TDRD3: variants seen among roughly 807,000 people sequenced by gnomAD.
The protein encoded by TDRD3 is tudor domain-containing protein 3.
A neutral mutation model predicts 86.7 loss-of-function variants in TDRD3; 45 were observed. The observed-to-expected ratio is 0.52, with a 90% confidence interval of 0.41 to 0.67. TDRD3 has a LOEUF of 0.67. TDRD3 is among the 30% of genes least tolerant of loss of function. The pLI is 0.00. For missense variants in TDRD3, 814 were observed against 889.0 expected (o/e 0.92, Z 1.07); for synonymous variants, 298 against 301.7 (o/e 0.99, Z 0.13).
chr13:60,526,944 C>G (rs569874898), intron 10 of TDRD3, among the ~76,000 whole-genome samples: 29 of 152,166 alleles, frequency 1.9e-4, no homozygotes, highest in African/African-American at 6.7e-4. Flanking sequence ...AAGCGATTCT[C>G]TTGCCTCAGC....
At chr13:60,517,956 C>T (rs1395749879) in intron 10 of TDRD3, among the ~76,000 whole-genome samples, 11 of 152,168 alleles carry the variant, frequency 7.2e-5, no homozygotes, top group African/African-American at 2.7e-4. Flanking sequence ...CCAGAACCTG[C>T]AGCTAAAACA....
intron 12 of TDRD3, among the ~76,000 whole-genome samples, chr13:60,546,586 A>C (rs1472985531): frequency 1.3e-5 from 2 of 152,144 alleles, no homozygotes; most frequent in Non-Finnish European, 2.9e-5. Context: ...GAATATGTGA[A>C]TTTCCTATCT....
At chr13:60,505,995 A>T (rs999494113) in intron 8 of TDRD3, among the ~76,000 whole-genome samples, 14 of 152,220 alleles carry the variant, frequency 9.2e-5, no homozygotes, top group Non-Finnish European at 1.6e-4. Flanking sequence ...CAACCTAGCA[A>T]GACAGGCCAA....
chr13:60,408,408 G>C (rs1954284375), intron 1 of TDRD3, among the ~76,000 whole-genome samples: 1 of 152,234 alleles, frequency 6.6e-6, no homozygotes, highest in Non-Finnish European at 1.5e-5. Context: ...GGTTGGAACA[G>C]TTTGGAGGGC....
intron 5 of TDRD3, among the ~76,000 whole-genome samples, chr13:60,475,857 G>A (rs1489472629): frequency 2.0e-5 from 3 of 152,138 alleles, no homozygotes; most frequent in East Asian, 1.9e-4. Flanking sequence ...AGAAATGTTC[G>A]TTCATGTCCT....
chr13:60,414,091 GAAT>G (rs1422847892), intron 1 of TDRD3, among the ~76,000 whole-genome samples: 42 of 152,222 alleles, frequency 2.8e-4, no homozygotes, highest in Non-Finnish European at 2.2e-4. Flanking sequence ...TTCACTTAAA[GAAT>G]AATGTGTTGC....
At position 60,573,633 on chromosome 13, in the gene TDRD3, G is replaced by A. The variant is rs1958638462; in HGVS notation, c.*27G>A. The A allele has an allele frequency of 2.0e-6, 2 of 985,234 alleles. No homozygotes were observed. Among genetic ancestry groups the A allele is most frequent in the South Asian group, 4.7e-5 (1 of 21,284 alleles). The allele number at this position is 985,234 out of a possible 1,614,324, so 61.0% of individuals were successfully genotyped here. On this transcript the variant is annotated 3_prime_UTR_variant, in exon 14 of 14. Transcript: ENST00000377881. Reference sequence around the variant, plus strand: ...TAAAGTAGACTCTTTGTGAAGAAACGAGCCAGTGACTGAAACACCCTGGTG... The same window carrying A: ...TAAAGTAGACTCTTTGTGAAGAAACAAGCCAGTGACTGAAACACCCTGGTG...
rs367769491 is a variant in TDRD3 at position 60,521,717 on chromosome 13, G to C, written c.1142-6650G>C. ...TCGAGACCAGCCTGACCAACATGGA[G>C]AAACCCCGTCTCTACTAAAAATACA... On this transcript the variant is annotated intron_variant, in intron 10 of 13. Transcript: ENST00000377881. Among the ~76,000 whole-genome samples, 9 of 152,224 alleles carry C rather than the reference G, an allele frequency of 5.9e-5. No individual in the cohort carries two copies. The East Asian group carries it at 1.7e-3, about 29-fold the overall frequency.
chr13:60,546,879 G>A (rs1452117353), intron 12 of TDRD3, among the ~76,000 whole-genome samples: 1 of 152,118 alleles, frequency 6.6e-6, no homozygotes, highest in East Asian at 1.9e-4. Context: ...GCTTTTTGCA[G>A]TATGGTGGGT....
chr13:60,454,579 G>T (rs1463870022), intron 3 of TDRD3, among the ~76,000 whole-genome samples: 4 of 151,898 alleles, frequency 2.6e-5, no homozygotes, highest in African/African-American at 9.7e-5. Context: ...GAGCTAGTGG[G>T]GGTGCTACTT....
At chr13:60,437,409 A>C (rs563984886) in intron 1 of TDRD3, among the ~76,000 whole-genome samples, 10 of 152,038 alleles carry the variant, frequency 6.6e-5, no homozygotes, top group African/African-American at 2.4e-4. Flanking sequence ...TAGAGGCGTG[A>C]GCCACTGTGC....
At chr13:60,563,692 G>C (rs1307658829) in intron 12 of TDRD3, among the ~76,000 whole-genome samples, 1 of 152,224 alleles carries the variant, frequency 6.6e-6, no homozygotes. Context: ...GGACTGGTTT[G>C]TATGCTTAGC....
intron 10 of TDRD3, among the ~76,000 whole-genome samples, chr13:60,511,289 ACAATC>A: frequency 6.6e-6 from 1 of 152,356 alleles, no homozygotes; most frequent in Middle Eastern, 3.4e-3. Context: ...TTTTCAAAAT[ACAATC>A]CAAAAAGTTA....
At chr13:60,485,623 G>A (rs1462790805) in intron 6 of TDRD3, among the ~76,000 whole-genome samples, 176 bp from the exon 7 acceptor site, 4 of 151,952 alleles carry the variant, frequency 2.6e-5, no homozygotes. Flanking sequence ...TTATTGAAAA[G>A]TTACTTTTCC....
intron 11 of TDRD3, 105 bp from the exon 12 acceptor site, chr13:60,535,003 A>G (rs981891811): frequency 1.5e-6 from 2 of 1,335,024 alleles, no homozygotes; most frequent in Non-Finnish European, 2.0e-6. Flanking sequence ...TTCCTTCTAA[A>G]GAATATTACA....
At chr13:60,458,427 G>A (rs531505359) in intron 3 of TDRD3, among the ~76,000 whole-genome samples, 14 of 152,332 alleles carry the variant, frequency 9.2e-5, no homozygotes, top group East Asian at 5.8e-4. Context: ...CCCAGGGGAC[G>A]TAGAACTCCC....
intron 8 of TDRD3, among the ~76,000 whole-genome samples, chr13:60,509,375 G>T (rs548383778): frequency 1.2e-4 from 18 of 152,020 alleles, no homozygotes; most frequent in Admixed American, 3.9e-4. Context: ...TTGGAGAGGT[G>T]CTGTATGAAT....
chr13:60,470,981 T>C (rs1054217883), intron 5 of TDRD3, among the ~76,000 whole-genome samples: 2 of 152,222 alleles, frequency 1.3e-5, no homozygotes, highest in African/African-American at 4.8e-5. Context: ...TGGAGAAATT[T>C]CTATTCAAGT....
At chr13:60,515,713 A>G (rs1957153223) in intron 10 of TDRD3, among the ~76,000 whole-genome samples, 1 of 152,218 alleles carries the variant, frequency 6.6e-6, no homozygotes, top group South Asian at 2.1e-4. Context: ...AAACAAACAC[A>G]AAAACAGTTG....
Sources: gnomAD v4.1 joint callset for allele counts (sites outside exome capture counted in the v4.1 genomes callset) on GRCh38, gnomAD v4.1.1 for gene constraint, MANE v1.5 for transcripts, NCBI Gene and HGNC (gene_info 2026-07-23, HGNC 2026-07-21) for gene names.